The following KCNIP3 variants were observed in gnomAD, a reference collection of about 807,000 sequenced individuals.
The protein encoded by KCNIP3 is potassium voltage-gated channel interacting protein 3, also known as calsenilin.
Under a neutral mutation model 35.0 loss-of-function variants are expected in KCNIP3, and 28 were observed. The ratio of observed to expected loss-of-function variants is 0.80; its 90% CI spans 0.59 to 1.10. KCNIP3 has a LOEUF of 1.10. KCNIP3 is among the 50% of genes least tolerant of loss of function. KCNIP3 has a pLI of 0.00. For synonymous variants in KCNIP3, 134 were observed against 133.8 expected (o/e 1.00, Z -0.01); for missense variants, 295 against 338.4 (o/e 0.87, Z 1.01).
rs1479611401 is a variant in KCNIP3 at position 95,358,963 on chromosome 2, C to T, written c.182-15333C>T. 3.3e-5 allele frequency among the ~76,000 whole-genome samples: 5 copies of T among 152,154 alleles called. No homozygotes were observed. The East Asian group carries it at 7.7e-4, about 23-fold the overall frequency. ...GCCTGGGCAACACAGTCAGACCCCCCTTTCAAAAACCAAACAAATTTTTTT... is the reference window on the plus strand; with the variant it reads ...GCCTGGGCAACACAGTCAGACCCCCTTTTCAAAAACCAAACAAATTTTTTT... On this transcript the variant is annotated intron_variant, in intron 2 of 8. Transcript: ENST00000295225.
At chr2:95,350,361 C>T (rs1234986215) in intron 2 of KCNIP3, among the ~76,000 whole-genome samples, 2 of 152,188 alleles carry the variant, frequency 1.3e-5, no homozygotes, top group African/African-American at 4.8e-5. Context: ...CCCCCAGCTG[C>T]GGGTCACATG....
At chr2:95,315,618 G>A (rs1208734070) in intron 2 of KCNIP3, among the ~76,000 whole-genome samples, 1 of 152,208 alleles carries the variant, frequency 6.6e-6, no homozygotes, top group Non-Finnish European at 1.5e-5. Flanking sequence ...TTCAGACAAT[G>A]TGGGCAACAC....
intron 2 of KCNIP3, among the ~76,000 whole-genome samples, chr2:95,326,146 T>A (rs959643769): frequency 2.7e-5 from 4 of 149,264 alleles, no homozygotes; most frequent in East Asian, 4.6e-4. Context: ...CAGACACACA[T>A]ACACTTATAT....
At chr2:95,325,932 CAT>C (rs575920487) in intron 2 of KCNIP3, among the ~76,000 whole-genome samples, 37 of 149,548 alleles carry the variant, frequency 2.5e-4, no homozygotes, top group African/African-American at 9.3e-4. Flanking sequence ...CACTCATACA[CAT>C]ACACATACAC....
At position 95,374,063 on chromosome 2, in the gene KCNIP3, G is replaced by T. The variant is rs147108937; in HGVS notation, c.182-233G>T. ...GCTGACAGGGGGGCACACTGCAGGG[G>T]CTGCGATGGGGAGGCCCGCCCTGTG... On this transcript the variant is annotated intron_variant, in intron 2 of 8. Transcript: ENST00000295225. 2.6e-3 allele frequency among the ~76,000 whole-genome samples: 394 copies of T among 152,380 alleles called. 1 individual carries two copies. The highest frequency in any genetic ancestry group is 8.8e-3 in the African/African-American group (365 of 41,592).
chr2:95,382,499 C>G lies in KCNIP3; in HGVS notation c.660+18C>G. 2 of 1,568,070 alleles carry G rather than the reference C, an allele frequency of 1.3e-6. No individual in the cohort carries two copies. The highest frequency in any genetic ancestry group is 2.3e-5 in the South Asian group (2 of 85,234). On this transcript the variant is annotated intron_variant, in intron 7 of 8. Coordinates refer to ENST00000295225, the MANE Select transcript of KCNIP3 (RefSeq NM_013434.5). The surrounding 1 kb of genome is among the most constrained non-coding windows in gnomAD (Gnocchi z 4.5). ...TCTTCGAGGTGAGCGAGCGCCAGCCCTGCCTAGGGAGGGGAGCCTGGCAGA... is the reference window on the plus strand; with the variant it reads ...TCTTCGAGGTGAGCGAGCGCCAGCCGTGCCTAGGGAGGGGAGCCTGGCAGA...
At chr2:95,359,094 A>G (rs1416153744) in intron 2 of KCNIP3, among the ~76,000 whole-genome samples, 19 of 152,068 alleles carry the variant, frequency 1.2e-4, no homozygotes, top group Admixed American at 9.8e-4. Flanking sequence ...TGCCCAGCCC[A>G]CCCCTGGAAA....
chr2:95,374,855 C>G lies in KCNIP3; in HGVS notation c.314C>G (p.Pro105Arg). ...GGTGCCTTCCTGCTGCAGGAGTGTC[C>G]CACGGGCCTGGTGGACGAAGACACC... ...SLYRGFKNEC[P>R]TGLVDEDTFK... Residue 105 changes from proline to arginine, a missense_variant, in exon 4 of 9, where the codon CCC becomes CGC. Transcript: ENST00000295225. The G allele has an allele frequency of 6.2e-7, 1 of 1,613,768 alleles. No homozygotes were observed.
intron 2 of KCNIP3, among the ~76,000 whole-genome samples, chr2:95,321,659 C>A: frequency 6.6e-6 from 1 of 152,136 alleles, no homozygotes; most frequent in Non-Finnish European, 1.5e-5. Flanking sequence ...AAGAGAAACA[C>A]GGGGCTCTTT....
chr2:95,357,343 G>A (rs1174161625), intron 2 of KCNIP3, among the ~76,000 whole-genome samples: 2 of 152,198 alleles, frequency 1.3e-5, no homozygotes, highest in Admixed American at 6.5e-5. Flanking sequence ...GAGACTAAGT[G>A]AAGGCTGAGA....
At chr2:95,308,239 C>T (rs577274293) in intron 1 of KCNIP3, among the ~76,000 whole-genome samples, 1 of 152,202 alleles carries the variant, frequency 6.6e-6, no homozygotes, top group Non-Finnish European at 1.5e-5. Context: ...ATGGTCAGTG[C>T]CTCTTCTTGC....
At chr2:95,356,042 C>T (rs559895054) in intron 2 of KCNIP3, among the ~76,000 whole-genome samples, 1 of 152,322 alleles carries the variant, frequency 6.6e-6, no homozygotes, top group African/African-American at 2.4e-5. Flanking sequence ...GCCATTCTAA[C>T]TGGCATGAGA....
chr2:95,373,589 A>AT (rs770867115), intron 2 of KCNIP3, among the ~76,000 whole-genome samples: 2 of 151,836 alleles, frequency 1.3e-5, no homozygotes, highest in East Asian at 3.9e-4. Context: ...TGCCTGGCTA[A>AT]TTTTTTGTAT....
chr2:95,326,348 A>G, intron 2 of KCNIP3, among the ~76,000 whole-genome samples: 1 of 152,166 alleles, frequency 6.6e-6, no homozygotes, highest in East Asian at 1.9e-4. Context: ...ACATGTGCAC[A>G]CATAAACACA....
chr2:95,317,811 G>A (rs1357844762), intron 2 of KCNIP3, among the ~76,000 whole-genome samples: 5 of 152,202 alleles, frequency 3.3e-5, no homozygotes, highest in Admixed American at 2.6e-4. Context: ...GCAGAGCTGA[G>A]GGCAGGAGTC....
intron 2 of KCNIP3, among the ~76,000 whole-genome samples, chr2:95,318,217 T>C (rs551209013): frequency 6.6e-6 from 1 of 152,220 alleles, no homozygotes; most frequent in East Asian, 1.9e-4. Flanking sequence ...AGCCGCTGGC[T>C]TCTCCATGGG....
At chr2:95,358,542 T>TAG (rs1679714558) in intron 2 of KCNIP3, among the ~76,000 whole-genome samples, 1 of 152,216 alleles carries the variant, frequency 6.6e-6, no homozygotes, top group African/African-American at 2.4e-5. Context: ...CAACGGTGTA[T>TAG]TAGCCTGTTT....
chr2:95,346,816 G>C, intron 2 of KCNIP3: 1 of 199,146 alleles, frequency 5.0e-6, no homozygotes, highest in Non-Finnish European at 1.0e-5. Flanking sequence ...CCCGCGTCCA[G>C]CCTCCGGCCT....
chr2:95,322,066 A>G (rs1678610389), intron 2 of KCNIP3, among the ~76,000 whole-genome samples: 1 of 152,152 alleles, frequency 6.6e-6, no homozygotes, highest in South Asian at 2.1e-4. Context: ...CAAAATGGCC[A>G]TAAGAATAAT....
Sources: gnomAD v4.1 joint callset for allele counts (sites outside exome capture counted in the v4.1 genomes callset) on GRCh38, gnomAD v4.1.1 for gene constraint, Gnocchi (gnomAD v3.1) non-coding constraint, MANE v1.5 for transcripts, NCBI Gene and HGNC (gene_info 2026-07-23, HGNC 2026-07-21) for gene names.